Variants in TP53BP1 observed in about 807,000 individuals in gnomAD.
TP53BP1 encodes tumor protein p53 binding protein 1.
A neutral mutation model predicts 200.8 loss-of-function variants in TP53BP1; 61 were observed. That is an observed-to-expected ratio of 0.30 (90% CI 0.25 to 0.38). The LOEUF (loss-of-function observed/expected upper bound fraction) is 0.38. Ranked by LOEUF, TP53BP1 falls within the 10% of genes least tolerant of loss-of-function variation. The probability of loss-of-function intolerance (pLI) is 1.00; values close to 1 mark genes in which losing one functional copy is unlikely to be tolerated. For synonymous variants in TP53BP1, 822 were observed against 844.3 expected (o/e 0.97, Z 0.46); for missense variants, 2,144 against 2,371.9 (o/e 0.90, Z 2.00).
chr15:43,432,037 T>C (rs954935620), intron 17 of TP53BP1, among the ~76,000 whole-genome samples, 157 bp downstream of exon 17: 1 of 152,232 alleles, frequency 6.6e-6, no homozygotes, highest in Non-Finnish European at 1.5e-5. Flanking sequence ...TTCACTACCA[T>C]ATCTGTATCT....
chr15:43,460,860 C>CAAA (rs35104408), intron 11 of TP53BP1, among the ~76,000 whole-genome samples: 3 of 133,166 alleles, frequency 2.3e-5, no homozygotes, highest in African/African-American at 2.7e-5. Flanking sequence ...CTGTCTCTAC[C>CAAA]AAAAAAAAAA....
At chr15:43,413,086 T>A in intron 24 of TP53BP1, 33 bp downstream of exon 24, 1 of 1,605,210 alleles carries the variant, frequency 6.2e-7, no homozygotes, top group South Asian at 1.1e-5. Context: ...AGTGCCTATG[T>A]GTCAGAGCTC....
At chr15:43,476,567 T>C (rs1416660321) in intron 8 of TP53BP1, among the ~76,000 whole-genome samples, 1 of 152,222 alleles carries the variant, frequency 6.6e-6, no homozygotes, top group African/African-American at 2.4e-5. Flanking sequence ...CCCTTCCCCT[T>C]AGCAATAGAT....
chr15:43,475,333 C>T (rs867056033), intron 9 of TP53BP1, among the ~76,000 whole-genome samples: 4 of 152,290 alleles, frequency 2.6e-5, no homozygotes, highest in Non-Finnish European at 4.4e-5. Flanking sequence ...TAAATAACTG[C>T]GCCTTTTCTT....
chr15:43,456,010 A>C lies in TP53BP1; in HGVS notation c.2598T>G (p.Asn866Lys). 2 of 1,614,130 alleles carry C rather than the reference A, an allele frequency of 1.2e-6. No homozygotes were observed. The highest frequency in any genetic ancestry group is 1.7e-6 in the Non-Finnish European group (2 of 1,180,026). ...QQPQTQEKTS[N>K]SLTEDSKMAN... ...CCATTTTTGAGTCTTCTGTTAATGA[A>C]TTACTTGTTTTCTCCTGAGTTTGGG... The change falls in exon 12 of 28, where the codon AAT becomes AAG. Residue 866 changes from asparagine (N) to lysine (K), a missense_variant. This residue lies in a region of TP53BP1 where 1,700 missense variants were observed against 1,710.3 expected (regional missense o/e 0.99). Transcript: ENST00000382044.
chr15:43,457,608 G>A (rs1414724014), intron 11 of TP53BP1, among the ~76,000 whole-genome samples: 2 of 139,030 alleles, frequency 1.4e-5, no homozygotes, highest in African/African-American at 2.7e-5. Flanking sequence ...GGAGGCGGAG[G>A]TTGCAGTAAG....
At position 43,421,129 on chromosome 15, in the gene TP53BP1, C is replaced by A. The variant is rs199673175; in HGVS notation, c.4146G>T (p.Glu1382Asp). Reference sequence around the variant, plus strand: ...TGATGCCAAGGCCTGCATCACCATCCTCCTCACACACTGGCGTCCCTGTCT... The same window carrying A: ...TGATGCCAAGGCCTGCATCACCATCATCCTCACACACTGGCGTCCCTGTCT... The part of the protein sequence containing the change: ...VSQTGTPVCE[E>D]DGDAGLGIRQ... The change falls in exon 20 of 28, where the codon GAG becomes GAT. Residue 1382 changes from glutamate to aspartate, a missense_variant. Glu to Asp is a conservative substitution (Grantham distance 45). Coordinates refer to ENST00000382044, the MANE Select transcript of TP53BP1 (RefSeq NM_001141980.3). The A allele has an allele frequency of 6.2e-7, 1 of 1,614,214 alleles. No individual in the cohort carries two copies. The highest frequency in any genetic ancestry group is 1.3e-5 in the African/African-American group (1 of 75,066).
At chr15:43,419,077 G>A (rs1201308854) in intron 21 of TP53BP1, among the ~76,000 whole-genome samples, 1 of 152,118 alleles carries the variant, frequency 6.6e-6, no homozygotes, top group Non-Finnish European at 1.5e-5. Flanking sequence ...AAAATTAGCC[G>A]GGTCTGGTGG....
At chr15:43,477,888 A>G (rs1252731677) in intron 7 of TP53BP1, 129 bp from the exon 8 acceptor site, 17 of 656,272 alleles carry the variant, frequency 2.6e-5, no homozygotes, top group Middle Eastern at 4.4e-4. Context: ...TTACATAATT[A>G]TATATTAAAA....
chr15:43,476,736 C>G (rs2078888274), intron 8 of TP53BP1, among the ~76,000 whole-genome samples: 1 of 152,202 alleles, frequency 6.6e-6, no homozygotes, highest in African/African-American at 2.4e-5. Context: ...TCTTCCCTTC[C>G]CGCCTTACAA....
At chr15:43,503,056 C>T (rs1426769120) in intron 1 of TP53BP1, among the ~76,000 whole-genome samples, 1 of 152,156 alleles carries the variant, frequency 6.6e-6, no homozygotes, top group Non-Finnish European at 1.5e-5. Context: ...CCCGGCCTAT[C>T]TTGTGTTTTT....
chr15:43,490,425 G>A (rs568257190), intron 4 of TP53BP1, among the ~76,000 whole-genome samples: 8 of 151,390 alleles, frequency 5.3e-5, no homozygotes, highest in South Asian at 2.1e-4. Flanking sequence ...GGTCTCACTA[G>A]GTTGCCCAGG....
intron 4 of TP53BP1, 101 bp downstream of exon 4, chr15:43,491,568 G>A: frequency 2.2e-6 from 2 of 897,978 alleles, no homozygotes; most frequent in Non-Finnish European, 3.7e-6. Flanking sequence ...TAATCCACAA[G>A]AAAGAGATTA....
intron 24 of TP53BP1, chr15:43,412,565 G>A (rs2045147158): frequency 9.9e-6 from 4 of 403,478 alleles, no homozygotes; most frequent in South Asian, 1.9e-5. Flanking sequence ...TAAGGTTAAA[G>A]AGAGGTATAA....
intron 16 of TP53BP1, among the ~76,000 whole-genome samples, chr15:43,433,961 C>T (rs2045731882): frequency 6.6e-6 from 1 of 152,122 alleles, no homozygotes; most frequent in African/African-American, 2.4e-5. Flanking sequence ...TTGCTCTGCT[C>T]TAGATCTTGA....
chr15:43,467,885 G>A (rs992501758), intron 11 of TP53BP1, among the ~76,000 whole-genome samples: 5 of 151,828 alleles, frequency 3.3e-5, no homozygotes, highest in Non-Finnish European at 7.4e-5. Context: ...CTAGGTTCAA[G>A]CGATTCTCCT....
At chr15:43,431,369 C>T (rs1031281564) in intron 17 of TP53BP1, among the ~76,000 whole-genome samples, 1 of 152,128 alleles carries the variant, frequency 6.6e-6, no homozygotes, top group Non-Finnish European at 1.5e-5. Flanking sequence ...TGAACTTCTA[C>T]GTATTTGTTA....
chr15:43,510,635 A>C, upstream of TP53BP1: 4 of 269,484 alleles, frequency 1.5e-5, no homozygotes, highest in Admixed American at 5.2e-5. Flanking sequence ...AGGCTGCGGA[A>C]TTGCCAGACA....
intron 11 of TP53BP1, 142 bp from the exon 12 acceptor site, chr15:43,457,360 T>C: frequency 1.2e-6 from 1 of 845,748 alleles, no homozygotes; most frequent in Non-Finnish European, 1.7e-6. Flanking sequence ...CTAAATCAAA[T>C]TTAAGAATTA....
Sources: gnomAD v4.1 joint callset for allele counts (sites outside exome capture counted in the v4.1 genomes callset) on GRCh38, gnomAD v4.1.1 for gene constraint, gnomAD v4.1.1 regional missense constraint, MANE v1.5 for transcripts, NCBI Gene and HGNC (gene_info 2026-07-23, HGNC 2026-07-21) for gene names.